The following METTL8 variants were observed in gnomAD, a reference collection of about 807,000 sequenced individuals.
METTL8 encodes tRNA N(3)-cytidine methyltransferase METTL8, mitochondrial.
Under a neutral mutation model 48.7 loss-of-function variants are expected in METTL8, and 32 were observed. The ratio of observed to expected loss-of-function variants is 0.66; its 90% CI spans 0.50 to 0.88. The LOEUF (loss-of-function observed/expected upper bound fraction) is 0.88, where lower values mean the gene tolerates loss of function less well. Among genes scored for constraint, METTL8 ranks in the 40% least tolerant of loss-of-function variants. The pLI, the probability that METTL8 is intolerant of heterozygous loss-of-function variation, is 0.00. For synonymous variants in METTL8, 136 were observed against 157.1 expected, an observed-to-expected ratio of 0.87 and a Z score of 1.01; for missense variants, 464 against 474.4, an observed-to-expected ratio of 0.98 and a Z score of 0.20.
At chr2:171,407,504 G>T (rs959729759) in intron 1 of METTL8, among the ~76,000 whole-genome samples, 1 of 152,106 alleles carries the variant, frequency 6.6e-6, no homozygotes, top group African/African-American at 2.4e-5. Flanking sequence ...GGCTCTTACA[G>T]TGTGGCCAAA....
intron 1 of METTL8, among the ~76,000 whole-genome samples, chr2:171,394,524 G>A (rs1221030006): frequency 6.6e-6 from 1 of 152,130 alleles, no homozygotes; most frequent in African/African-American, 2.4e-5. Flanking sequence ...AATCTTGCAG[G>A]CTGCTAGTCT....
At chr2:171,391,279 CAG>C (rs1435278864) in intron 2 of METTL8, among the ~76,000 whole-genome samples, 1 of 152,210 alleles carries the variant, frequency 6.6e-6, no homozygotes, top group African/African-American at 2.4e-5. Flanking sequence ...TAAGAGACTA[CAG>C]TATAGTGTAA....
chr2:171,329,585 C>T (rs897208813), intron 7 of METTL8, among the ~76,000 whole-genome samples: 1 of 152,230 alleles, frequency 6.6e-6, no homozygotes, highest in Non-Finnish European at 1.5e-5. Flanking sequence ...TAAAACCTGA[C>T]ATACCTCACT....
At chr2:171,372,710 A>G (rs1686491695) in intron 2 of METTL8, among the ~76,000 whole-genome samples, 2 of 151,770 alleles carry the variant, frequency 1.3e-5, no homozygotes, top group South Asian at 4.2e-4. Flanking sequence ...TTCAATTCCT[A>G]CCTATGAGTG....
intron 1 of METTL8, among the ~76,000 whole-genome samples, chr2:171,394,702 T>C (rs1314282815): frequency 2.6e-5 from 4 of 152,262 alleles, no homozygotes; most frequent in Non-Finnish European, 5.9e-5. Context: ...ATATAACAAC[T>C]GTATATAGGA....
chr2:171,333,741 T>C (rs1350940998), intron 5 of METTL8, among the ~76,000 whole-genome samples: 2 of 152,214 alleles, frequency 1.3e-5, no homozygotes, highest in Non-Finnish European at 2.9e-5. Context: ...ATGTGGCTAA[T>C]GGTTAAGGGC....
chr2:171,377,287 G>A (rs554567551), intron 2 of METTL8, among the ~76,000 whole-genome samples: 1 of 151,906 alleles, frequency 6.6e-6, no homozygotes. Context: ...ATTGGCTTAG[G>A]CAAAGAATTC....
intron 2 of METTL8, among the ~76,000 whole-genome samples, chr2:171,367,909 C>G (rs1685893271): frequency 1.3e-5 from 2 of 152,056 alleles, no homozygotes; most frequent in African/African-American, 4.8e-5. Context: ...TTGAGGTGGA[C>G]CACTAAATCG....
chr2:171,341,585 C>A (rs915242458), intron 3 of METTL8, among the ~76,000 whole-genome samples: 3 of 150,746 alleles, frequency 2.0e-5, no homozygotes, highest in Non-Finnish European at 4.4e-5. Flanking sequence ...TTGGGCAGTG[C>A]TACAGGCAGT....
intron 1 of METTL8, among the ~76,000 whole-genome samples, chr2:171,400,052 A>C (rs1689494224): frequency 6.6e-6 from 1 of 152,070 alleles, no homozygotes; most frequent in Non-Finnish European, 1.5e-5. Flanking sequence ...TTTTTTTAAA[A>C]AAGTTAAATA....
At chr2:171,372,351 C>T (rs1178081539) in intron 2 of METTL8, among the ~76,000 whole-genome samples, 2 of 151,908 alleles carry the variant, frequency 1.3e-5, no homozygotes, top group African/African-American at 4.8e-5. Flanking sequence ...CTCTACCCTC[C>T]CTCTCATCCC....
chr2:171,381,940 C>T (rs1172566186), intron 2 of METTL8, among the ~76,000 whole-genome samples: 1 of 152,034 alleles, frequency 6.6e-6, no homozygotes, highest in Non-Finnish European at 1.5e-5. Flanking sequence ...CATCACCACG[C>T]CCAGCTAATT....
rs149596352 is a variant in METTL8, at chr2:171,359,369, G to A, written c.235+1053C>T. 4.2e-3 allele frequency among the ~76,000 whole-genome samples: 646 copies of A among 152,254 alleles called. 2 individuals are homozygous for A. The highest frequency in any genetic ancestry group is 6.0e-3 in the Non-Finnish European group (408 of 68,018). ...AAAAGACAGGGAATAATGAATGGAT[G>A]CTGGTGAGGATGTGAAAAAAGGAGA... On this transcript the variant is annotated intron_variant, in intron 3 of 9. Coordinates refer to ENST00000375258, the MANE Select transcript of METTL8 (RefSeq NM_001321154.2).
intron 7 of METTL8, 42 bp from the exon 8 acceptor site, chr2:171,326,190 A>T (rs772614477): frequency 9.2e-7 from 1 of 1,083,610 alleles, no homozygotes; most frequent in African/African-American, 1.6e-5. Context: ...GTTTGTAGAA[A>T]TCTTGTTTTA....
intron 1 of METTL8, among the ~76,000 whole-genome samples, chr2:171,401,701 C>T (rs1376312444): frequency 1.3e-5 from 2 of 152,114 alleles, no homozygotes; most frequent in South Asian, 2.1e-4. Flanking sequence ...TCTCCAAACA[C>T]ATTATACTGG....
In METTL8 at chr2:171,323,214, C is replaced by T. The variant is rs928725800; in HGVS notation, c.*958G>A. The stretch of plus-strand genomic sequence containing the variant: ...AAAAGCCCTTGATACAAGAGCTTGT[C>T]AGCTTACATACCTTTTTTTTTTTTT... On this transcript the variant is annotated 3_prime_UTR_variant, in exon 10 of 10. Coordinates refer to ENST00000375258, the MANE Select transcript of METTL8 (RefSeq NM_001321154.2). The T allele has an allele frequency of 1.4e-4, 21 of 145,416 alleles. No homozygotes were observed. Among genetic ancestry groups the T allele is most frequent in the African/African-American group, 5.3e-4 (21 of 39,824 alleles). 9.0% of individuals were successfully genotyped at this position (145,416 alleles called of 1,614,324 possible).
Position 171,324,187 on chromosome 2 carries a change from G to A in METTL8, c.1209C>T (p.Leu403=), listed in dbSNP as rs1177294296. 6.5e-7 allele frequency: 1 copy of A among 1,549,308 alleles called. No individual in the cohort carries two copies. The highest frequency in any genetic ancestry group is 2.4e-5 in the East Asian group (1 of 40,904). ...TQNSSNMVST[L]LSQD ...GTTACAAAGTTCAGTCTTGTGAAAG[G>A]AGTGTAGATACCATATTGGAGCTAT... The change falls in exon 10 of 10, where the codon CTC becomes CTT. Residue 403 remains leucine (L), a synonymous_variant. Coordinates refer to ENST00000375258, the MANE Select transcript of METTL8 (RefSeq NM_001321154.2).
chr2:171,360,290 C>T (rs1685023503), intron 3 of METTL8, 132 bp downstream of exon 3: 1 of 681,818 alleles, frequency 1.5e-6, no homozygotes, highest in Admixed American at 3.0e-5. Flanking sequence ...ACTGGAAGAA[C>T]TGGGAATTCT....
chr2:171,431,726 G>A (rs1204679246), intron 1 of METTL8, among the ~76,000 whole-genome samples: 1 of 152,166 alleles, frequency 6.6e-6, no homozygotes, highest in African/African-American at 2.4e-5. Flanking sequence ...GAAGCAGGGC[G>A]GGGGGCCAGG....
Sources: gnomAD v4.1 joint callset for allele counts (sites outside exome capture counted in the v4.1 genomes callset) on GRCh38, gnomAD v4.1.1 for gene constraint, MANE v1.5 for transcripts, NCBI Gene and HGNC (gene_info 2026-07-23, HGNC 2026-07-21) for gene names.